PRKG1: variants seen among roughly 807,000 people sequenced by gnomAD.
PRKG1 encodes protein kinase cGMP-dependent 1, also known as cGMP-dependent protein kinase 1.
A neutral mutation model predicts 88.1 loss-of-function variants in PRKG1; 35 were observed. The observed-to-expected ratio is 0.40, with a 90% CI of 0.30 to 0.53. The LOEUF is 0.53. PRKG1 is among the 20% of genes least tolerant of loss of function. PRKG1 has a pLI of 0.59. For missense variants in PRKG1, 540 were observed against 839.8 expected, an observed-to-expected ratio of 0.64 and a Z score of 4.41; for synonymous variants, 303 against 292.5, an observed-to-expected ratio of 1.04 and a Z score of -0.37.
At chr10:52,276,349 G>T (rs1253965066) in intron 12 of PRKG1, among the ~76,000 whole-genome samples, 3 of 152,074 alleles carry the variant, frequency 2.0e-5, no homozygotes, top group Admixed American at 2.0e-4. Flanking sequence ...CAATAAATCT[G>T]CACAGATTGC....
chr10:51,959,671 A>T (rs1843398340), intron 5 of PRKG1, among the ~76,000 whole-genome samples: 1 of 152,094 alleles, frequency 6.6e-6, no homozygotes. Flanking sequence ...TTAGAAATAG[A>T]ATAGGGAGAG....
At chr10:52,148,204 T>C (rs760096872) in intron 8 of PRKG1, among the ~76,000 whole-genome samples, 1 of 152,182 alleles carries the variant, frequency 6.6e-6, no homozygotes, top group Non-Finnish European at 1.5e-5. Context: ...CTAGGTAACA[T>C]TGGCAATGCC....
intron 1 of PRKG1, among the ~76,000 whole-genome samples, chr10:51,102,423 G>C (rs1844708369): frequency 6.6e-6 from 1 of 151,878 alleles, no homozygotes; most frequent in Non-Finnish European, 1.5e-5. Context: ...TTAAAATAAA[G>C]GGTCTCTGGA....
chr10:51,151,584 C>A lies in PRKG1; in HGVS notation c.312-1580C>A, dbSNP rs549501057. 2.0e-5 allele frequency among the ~76,000 whole-genome samples: 3 copies of A among 149,070 alleles called. No individual in the cohort carries two copies. The South Asian group carries it at 6.4e-4, about 32-fold the overall frequency. ...TTTTGTTTTTGTTTTTTTTTTTTAA[C>A]ATTTTAGTAGGCACATACATTCTTA... On this transcript the variant is annotated intron_variant, in intron 1 of 17. Transcript: ENST00000373980.
intron 3 of PRKG1, among the ~76,000 whole-genome samples, chr10:51,684,867 G>T (rs766936381): frequency 6.6e-6 from 1 of 151,814 alleles, no homozygotes; most frequent in African/African-American, 2.4e-5. Context: ...ATCTTGTCTC[G>T]ATTAAAAAAT....
intron 5 of PRKG1, among the ~76,000 whole-genome samples, chr10:52,021,959 A>G (rs943522361): frequency 6.6e-6 from 1 of 152,194 alleles, no homozygotes; most frequent in Non-Finnish European, 1.5e-5. Context: ...TTAAAACTGC[A>G]CTAAACGTAA....
At chr10:51,843,472 T>C (rs1840328855) in intron 4 of PRKG1, among the ~76,000 whole-genome samples, 1 of 152,202 alleles carries the variant, frequency 6.6e-6, no homozygotes. Flanking sequence ...GTTTTCAACA[T>C]TATGTCCTCA....
Position 51,999,311 on chromosome 10 carries a change from G to T in PRKG1, c.763-55173G>T, listed in dbSNP as rs191919600. On this transcript the variant is annotated intron_variant, in intron 5 of 17. Transcript: ENST00000373980. ...AATTTGTGTCAGCAGGACATGCCCG[G>T]AAGGGATGCCATCTGTTAAGTGACT... 5.4e-3 allele frequency among the ~76,000 whole-genome samples: 817 copies of T among 152,326 alleles called. 6 individuals carry two copies. Among genetic ancestry groups the T allele is most frequent in the African/African-American group, 0.017 (707 of 41,574 alleles).
chr10:51,222,122 G>A (rs1193304114), intron 2 of PRKG1, among the ~76,000 whole-genome samples: 6 of 114,436 alleles, frequency 5.2e-5, no homozygotes, highest in Admixed American at 1.6e-4. Context: ...CGTGATCCGC[G>A]CCCCCCCCCG....
intron 2 of PRKG1, among the ~76,000 whole-genome samples, chr10:51,286,363 G>A (rs1840441466): frequency 6.6e-6 from 1 of 152,104 alleles, no homozygotes; most frequent in Non-Finnish European, 1.5e-5. Context: ...ATGTATGATT[G>A]ACTTCCCATC....
chr10:51,784,948 C>T (rs1054453436), intron 3 of PRKG1, among the ~76,000 whole-genome samples: 2 of 152,052 alleles, frequency 1.3e-5, no homozygotes, highest in Non-Finnish European at 1.5e-5. Flanking sequence ...AGTGTAAAGA[C>T]TATGACTAAT....
chr10:51,278,541 C>A (rs577008692), intron 2 of PRKG1, among the ~76,000 whole-genome samples: 1 of 152,264 alleles, frequency 6.6e-6, no homozygotes, highest in Non-Finnish European at 1.5e-5. Context: ...ACCAGCTCCT[C>A]CTTGTACCTC....
intron 3 of PRKG1, among the ~76,000 whole-genome samples, chr10:51,627,958 C>A (rs1237584553): frequency 6.1e-5 from 1 of 16,508 alleles, no homozygotes; most frequent in Admixed American, 1.1e-3. Context: ...TTCTTTCTTT[C>A]TTTCTTTCTT....
chr10:52,093,632 C>T lies in PRKG1; in HGVS notation c.935+31001C>T, dbSNP rs1257117141. 2.6e-5 allele frequency among the ~76,000 whole-genome samples: 4 copies of T among 152,066 alleles called. No homozygotes were observed. In the East Asian group the frequency reaches 7.7e-4, roughly 29 times the overall value. On this transcript the variant is annotated intron_variant, in intron 7 of 17. Transcript: ENST00000373980. ...TTAAAGTAAAACATATTAATGCCTG[C>T]CTTGTTCAGATAGCTCTTGCAAAAA...
At chr10:52,079,967 C>T (rs79508132) in intron 7 of PRKG1, among the ~76,000 whole-genome samples, 6,635 of 152,198 alleles carry the variant, frequency 0.044, 151 homozygotes, top group Middle Eastern at 0.061. Context: ...AAAAGCTGTT[C>T]TGATGGTAGC....
At chr10:51,215,041 G>T (rs77797004) in intron 2 of PRKG1, among the ~76,000 whole-genome samples, 3,080 of 152,184 alleles carry the variant, frequency 0.02, 47 homozygotes, top group Middle Eastern at 0.051. Context: ...AGCGTGGGCG[G>T]CTAACTTCAA....
chr10:51,728,066 A>G (rs565570023), intron 3 of PRKG1, among the ~76,000 whole-genome samples: 3 of 152,166 alleles, frequency 2.0e-5, no homozygotes, highest in Non-Finnish European at 4.4e-5. Context: ...TTTAAACCAC[A>G]CAGAAGAAAA....
intron 9 of PRKG1, among the ~76,000 whole-genome samples, chr10:52,191,584 C>A (rs754322681): frequency 6.6e-6 from 1 of 152,106 alleles, no homozygotes; most frequent in East Asian, 1.9e-4. Context: ...GTTCATTAAA[C>A]CTACATGATT....
intron 7 of PRKG1, among the ~76,000 whole-genome samples, chr10:52,097,788 C>T (rs1357559279): frequency 2.0e-5 from 3 of 150,276 alleles, no homozygotes; most frequent in Non-Finnish European, 4.4e-5. Context: ...TATATATGTA[C>T]AGATTGCTGA....
Sources: gnomAD v4.1 joint callset for allele counts (sites outside exome capture counted in the v4.1 genomes callset) on GRCh38, gnomAD v4.1.1 for gene constraint, MANE v1.5 for transcripts, NCBI Gene and HGNC (gene_info 2026-07-23, HGNC 2026-07-21) for gene names.